The following ABI3 variants were observed in gnomAD, a reference collection of about 807,000 sequenced individuals.
ABI3 encodes the protein ABI family member 3.
ABI3 carries 24 observed loss-of-function variants against 37.0 expected under a neutral mutation model. The ratio of observed to expected loss-of-function variants is 0.65; its 90% CI spans 0.47 to 0.91. The LOEUF is 0.91. Among genes scored for constraint, ABI3 ranks in the 40% least tolerant of loss-of-function variants. ABI3 has a pLI of 0.00. For missense variants in ABI3, 481 were observed against 485.1 expected (o/e 0.99, Z 0.08); for synonymous variants, 220 against 211.8 (o/e 1.04, Z -0.34).
At chr17:49,220,101 G>T in intron 5 of ABI3, 68 bp from the exon 6 acceptor site, 1 of 1,604,338 alleles carries the variant, frequency 6.2e-7, no homozygotes. Context: ...AGGATTGGAG[G>T]GGTGGGGCCA....
At position 49,216,715 on chromosome 17, in the gene ABI3, G is replaced by A. The variant is rs567637933; in HGVS notation, c.285+17G>A. 9 of 1,477,086 alleles carry A rather than the reference G, an allele frequency of 6.1e-6. No individual in the cohort carries two copies. The highest frequency in any genetic ancestry group is 2.5e-5 in the Admixed American group (1 of 39,802). 91.5% of individuals were successfully genotyped at this position (1,477,086 alleles called of 1,614,324 possible). A position where few individuals can be genotyped will look rare whatever the true frequency, so the allele number is the denominator to read the frequency against. ...CTGGGCCAGGTAAGGGGCGTGGGGC[G>A]TGGGAAGGCATCTTGTGTCAGGCCT... On this transcript the variant is annotated intron_variant, in intron 2 of 7. Coordinates refer to ENST00000225941, the MANE Select transcript of ABI3 (RefSeq NM_016428.3).
In ABI3 at chr17:49,219,622, T is replaced by G. The variant is rs2043258070; in HGVS notation, c.545T>G (p.Leu182Trp). 6.2e-7 allele frequency: 1 copy of G among 1,603,256 alleles called. No individual in the cohort carries two copies. Among genetic ancestry groups the G allele is most frequent in the Non-Finnish European group, 8.5e-7 (1 of 1,175,198 alleles). ...KAPATPASAT[L>W]GRPPRIPEPV... ...CCTGCCACACCCGCCTCCGCCACCT[T>G]GGGGTGAGGCCTCGCCGCGACGCCA... is the stretch of plus-strand genomic sequence containing the variant. Residue 182 changes from leucine (L) to tryptophan (W), a missense_variant, in exon 4 of 8, where the codon TTG becomes TGG. By Grantham distance (61) the Leu-to-Trp change is moderately conservative. Transcript: ENST00000225941. The surrounding 1 kb of genome is among the most constrained non-coding windows in gnomAD (Gnocchi z 4.3).
At position 49,220,217 on chromosome 17, in the gene ABI3, AC is replaced by A; in HGVS notation, c.695del (p.Pro232LeufsTer83). The A allele has an allele frequency of 6.2e-7, 1 of 1,611,638 alleles. No homozygotes were observed. The highest frequency in any genetic ancestry group is 8.5e-7 in the Non-Finnish European group (1 of 1,179,714). On this transcript the variant is annotated frameshift_variant, in exon 6 of 8. Coordinates refer to ENST00000225941, the MANE Select transcript of ABI3 (RefSeq NM_016428.3). LOFTEE classifies it high-confidence loss of function. Reference protein sequence around the residue: ...GAPTPKGQAAPPAPPLPSSLD... With the variant: ...GAPTPKGQAAXPAPPLPSSLD... ...CCCCCACGCCCAAGGGGCAGGCAGCACCTCCAGCCCCACCTCTCCCCAGCTC... is the reference window on the plus strand; with the variant it reads ...CCCCCACGCCCAAGGGGCAGGCAGCACTCCAGCCCCACCTCTCCCCAGCTC...
Position 49,220,214 on chromosome 17 carries a change from AGC to A in ABI3, c.691_692del (p.Ala231ThrfsTer56). ...GGGCCCCCACGCCCAAGGGGCAGGCAGCACCTCCAGCCCCACCTCTCCCCAGC... is the reference window on the plus strand; with the variant it reads ...GGGCCCCCACGCCCAAGGGGCAGGCAACCTCCAGCCCCACCTCTCCCCAGC... ...GGAPTPKGQA[A>X]PPAPPLPSSL... On this transcript the variant is annotated frameshift_variant, in exon 6 of 8. Transcript: ENST00000225941. LOFTEE classifies it high-confidence loss of function. 6.2e-7 allele frequency: 1 copy of A among 1,612,148 alleles called. No individual in the cohort carries two copies. The highest frequency in any genetic ancestry group is 8.5e-7 in the Non-Finnish European group (1 of 1,179,848).
Position 49,222,244 on chromosome 17 carries a change from T to A in ABI3, c.937+19T>A, listed in dbSNP as rs779322622. The A allele has an allele frequency of 1.2e-5, 19 of 1,609,326 alleles. No individual in the cohort carries two copies. The Admixed American group carries it at 2.4e-4, about 20-fold the overall frequency. ...GAGAAAGGTACCTGACTTCTGGGACTGAGGGGCACCGGATCCCACTTCCTC... is the reference window on the plus strand; with the variant it reads ...GAGAAAGGTACCTGACTTCTGGGACAGAGGGGCACCGGATCCCACTTCCTC... On this transcript the variant is annotated intron_variant, in intron 7 of 7. Coordinates refer to ENST00000225941, the MANE Select transcript of ABI3 (RefSeq NM_016428.3).
At chr17:49,221,982 G>A (rs528866449) in intron 6 of ABI3, 109 bp from the exon 7 acceptor site, 8 of 1,394,090 alleles carry the variant, frequency 5.7e-6, no homozygotes, top group South Asian at 3.4e-5. Flanking sequence ...GCCTCCCAAC[G>A]TGCCTCGCTG....
chr17:49,211,998 G>A (rs1243653079), intron 1 of ABI3, among the ~76,000 whole-genome samples: 1 of 148,934 alleles, frequency 6.7e-6, no homozygotes, highest in Non-Finnish European at 1.5e-5. Flanking sequence ...CTGGAGTGCT[G>A]TGGCATGATC....
intron 2 of ABI3, 30 bp from the exon 3 acceptor site, chr17:49,217,709 C>T (rs750708878): frequency 1.3e-5 from 20 of 1,584,736 alleles, no homozygotes; most frequent in Admixed American, 1.8e-5. Context: ...CAGACCACCC[C>T]TCTCTGTCAC....
chr17:49,211,970 T>C (rs2043173075), intron 1 of ABI3, among the ~76,000 whole-genome samples: 1 of 132,026 alleles, frequency 7.6e-6, no homozygotes, highest in Non-Finnish European at 1.6e-5. Flanking sequence ...TTTGACGGGG[T>C]CTCCTCTGTC....
At chr17:49,215,158 T>G (rs2043206929) in intron 1 of ABI3, among the ~76,000 whole-genome samples, 2 of 152,146 alleles carry the variant, frequency 1.3e-5, no homozygotes, top group African/African-American at 4.8e-5. Flanking sequence ...ATAAGGATTC[T>G]GAAAATAAGT....
chr17:49,216,387 TG>T, intron 1 of ABI3, 143 bp from the exon 2 acceptor site: 1 of 648,822 alleles, frequency 1.5e-6, no homozygotes, highest in Non-Finnish European at 2.3e-6. Context: ...ATCATTCTGC[TG>T]GGAGCCACCT....
At position 49,218,843 on chromosome 17, in the gene ABI3, C is replaced by T. The variant is rs142008150; in HGVS notation, c.463-697C>T. ...TGGTGGCCAGGCTGGTCTTGAACTCCTGAACTCAGGTGATCCTCTTGCCTG... is the reference window on the plus strand; with the variant it reads ...TGGTGGCCAGGCTGGTCTTGAACTCTTGAACTCAGGTGATCCTCTTGCCTG... On this transcript the variant is annotated intron_variant, in intron 3 of 7. Coordinates refer to ENST00000225941, the MANE Select transcript of ABI3 (RefSeq NM_016428.3). Among the ~76,000 whole-genome samples the T allele has an allele frequency of 5.4e-3, 820 of 150,948 alleles. 4 individuals carry two copies. The highest frequency in any genetic ancestry group is 8.2e-3 in the Non-Finnish European group (557 of 67,868).
rs760969996 is a variant in ABI3 at position 49,210,807 on chromosome 17, G to A, written c.83G>A (p.Arg28Gln). 31 of 1,556,084 alleles carry A rather than the reference G, an allele frequency of 2.0e-5. No individual in the cohort carries two copies. The highest frequency in any genetic ancestry group is 2.5e-5 in the Non-Finnish European group (29 of 1,149,196). Residue 28 changes from arginine (R) to glutamine (Q), a missense_variant, in exon 1 of 8, where the codon CGG becomes CAG. Arg to Gln is a conservative substitution (Grantham distance 43). Coordinates refer to ENST00000225941, the MANE Select transcript of ABI3 (RefSeq NM_016428.3). This position sits in a 1 kb window ranked among gnomAD's most constrained non-coding sequence, Gnocchi z 4.2. ...ALRGNHSALL[R>Q]VADYCEDNYV... Reference sequence around the variant, plus strand: ...AGGGGCAACCACAGTGCCCTGCTGCGGGTCGCTGACTACTGCGAGGACAAC... The same window carrying A: ...AGGGGCAACCACAGTGCCCTGCTGCAGGTCGCTGACTACTGCGAGGACAAC...
chr17:49,220,963 C>T (rs1435505848), intron 6 of ABI3, among the ~76,000 whole-genome samples: 1 of 151,522 alleles, frequency 6.6e-6, no homozygotes, highest in South Asian at 2.1e-4. Context: ...CTGTGGAGGG[C>T]GGATCACTTG....
At chr17:49,216,035 C>T (rs1008069403) in intron 1 of ABI3, among the ~76,000 whole-genome samples, 1 of 150,902 alleles carries the variant, frequency 6.6e-6, no homozygotes, top group Non-Finnish European at 1.5e-5. Flanking sequence ...CGCTTGAACT[C>T]GGAAGGCGGA....
chr17:49,219,724 T>G lies in ABI3; in HGVS notation c.548+99T>G. ...GCCACCCACCCCTGGCGCCCCCGGG[T>G]GCTCAGGCCGTCATGCTGGATGCCT... On this transcript the variant is annotated intron_variant, in intron 4 of 7. Transcript: ENST00000225941. This position sits in a 1 kb window ranked among gnomAD's most constrained non-coding sequence, Gnocchi z 4.3. The G allele has an allele frequency of 7.1e-7, 1 of 1,414,912 alleles. No individual in the cohort carries two copies. Among genetic ancestry groups the G allele is most frequent in the Non-Finnish European group, 9.7e-7 (1 of 1,033,692 alleles). The allele number at this position is 1,414,912 out of a possible 1,614,324, so 87.6% of individuals were successfully genotyped here. A position where few individuals can be genotyped will look rare whatever the true frequency, so the allele number is the denominator to read the frequency against.
At chr17:49,213,448 C>T (rs2043189356) in intron 1 of ABI3, among the ~76,000 whole-genome samples, 1 of 152,132 alleles carries the variant, frequency 6.6e-6, no homozygotes, top group Non-Finnish European at 1.5e-5. Context: ...TACCTAAGGC[C>T]TGATTCCCCT....
rs781291533 is a variant in ABI3, at chr17:49,216,657, GCCC to G, written c.245_247del (p.Ala82_Leu83delinsVal). ...GCGCATGTTGGACCTGCAGGGGGCC[GCCC>G]TGCGGCAGGTGGAAGCCCGTGTAAG... is the stretch of plus-strand genomic sequence containing the variant. On this transcript the variant is annotated inframe_deletion, in exon 2 of 8. Transcript: ENST00000225941. The G allele has an allele frequency of 3.1e-6, 5 of 1,606,280 alleles. No individual in the cohort carries two copies. Among genetic ancestry groups the G allele is most frequent in the Non-Finnish European group, 4.2e-6 (5 of 1,176,780 alleles).
chr17:49,220,726 A>C (rs1486824399), intron 6 of ABI3, among the ~76,000 whole-genome samples: 3 of 151,466 alleles, frequency 2.0e-5, no homozygotes, highest in Non-Finnish European at 4.4e-5. Flanking sequence ...AGCCTGTAAT[A>C]CCAGCTACTC....
Sources: allele counts gnomAD v4.1 joint callset (sites outside exome capture counted in the v4.1 genomes callset), GRCh38; gene constraint gnomAD v4.1.1; non-coding constraint Gnocchi (gnomAD v3.1); transcripts MANE v1.5; gene names NCBI Gene and HGNC (gene_info 2026-07-23, HGNC 2026-07-21).